The following PKD1L1 variants were observed in gnomAD, a reference collection of about 807,000 sequenced individuals.
PKD1L1 encodes polycystin 1 like 1, transient receptor potential channel interacting, also known as polycystin-1-like protein 1.
Under a neutral mutation model 323.4 loss-of-function variants are expected in PKD1L1, and 236 were observed. That is an observed-to-expected ratio of 0.73 (90% CI 0.66 to 0.81). The LOEUF (loss-of-function observed/expected upper bound fraction) is 0.81, where lower values mean the gene tolerates loss of function less well. Ranked by LOEUF, PKD1L1 falls within the 40% of genes least tolerant of loss-of-function variation. The pLI, the probability that PKD1L1 is intolerant of heterozygous loss-of-function variation, is 0.00. For missense variants in PKD1L1, 3,320 were observed against 3,508.0 expected, an observed-to-expected ratio of 0.95 and a Z score of 1.35; for synonymous variants, 1,344 against 1,335.0, an observed-to-expected ratio of 1.01 and a Z score of -0.15.
chr7:47,817,909 G>A, intron 46 of PKD1L1: 1 of 749,174 alleles, frequency 1.3e-6, no homozygotes. Flanking sequence ...TAAAAGTCTA[G>A]TGAATTAATT....
chr7:47,844,965 T>C (rs1785633901), intron 33 of PKD1L1, 30 bp downstream of exon 33: 2 of 1,572,228 alleles, frequency 1.3e-6, no homozygotes, highest in Non-Finnish European at 8.7e-7. Flanking sequence ...ATAAAGTCTA[T>C]GAAGTCTTTA....
At chr7:47,937,053 T>C (rs572144915) in intron 3 of PKD1L1, 95 bp from the exon 4 acceptor site, 2 of 945,262 alleles carry the variant, frequency 2.1e-6, no homozygotes, top group East Asian at 2.4e-5. Context: ...AAAATAGCAG[T>C]GGACCCCTGC....
At chr7:47,800,587 C>T (rs1784638125) in intron 54 of PKD1L1, 62 bp downstream of exon 54, 1 of 1,534,778 alleles carries the variant, frequency 6.5e-7, no homozygotes, top group Non-Finnish European at 9.0e-7. Flanking sequence ...CAGAGTTTCA[C>T]CCCAACAGCA....
chr7:47,863,439 G>A (rs1786077037), intron 26 of PKD1L1, among the ~76,000 whole-genome samples: 1 of 152,038 alleles, frequency 6.6e-6, no homozygotes, highest in Non-Finnish European at 1.5e-5. Context: ...GAGGAGGTGT[G>A]GACAGAGAAT....
intron 4 of PKD1L1, among the ~76,000 whole-genome samples, chr7:47,936,056 TA>T (rs1348980653): frequency 1.3e-5 from 2 of 152,214 alleles, no homozygotes; most frequent in African/African-American, 2.4e-5. Flanking sequence ...TTAGAAGGAG[TA>T]AAACCATCAA....
rs1279347610 is a variant in PKD1L1, at chr7:47,839,474, C to T, written c.5741G>A (p.Cys1914Tyr). The T allele has an allele frequency of 2.2e-5, 35 of 1,611,940 alleles. No individual in the cohort carries two copies. The East Asian group carries it at 7.6e-4, about 35-fold the overall frequency. ...HDGRVERELT[C>Y]LQGGLGFRKL... The stretch of plus-strand genomic sequence containing the variant: ...CCGGAAGCCGAGTCCCCCTTGCAGA[C>T]AGGTGAGCTCCCGCTCCACGCGACC... Residue 1914 changes from cysteine (C) to tyrosine (Y), a missense_variant, in exon 36 of 57, where the codon TGT becomes TAT. By Grantham distance (194) the Cys-to-Tyr change is radical (BLOSUM62 -2). Coordinates refer to ENST00000289672, the MANE Select transcript of PKD1L1 (RefSeq NM_138295.5). The surrounding 1 kb of genome is among the most constrained non-coding windows in gnomAD (Gnocchi z 4.3).
intron 44 of PKD1L1, among the ~76,000 whole-genome samples, chr7:47,828,219 C>A (rs1562949412): frequency 6.6e-6 from 1 of 152,134 alleles, no homozygotes; most frequent in Non-Finnish European, 1.5e-5. Context: ...CTCTAAGATG[C>A]TAATGAGCCA....
chr7:47,813,594 C>A (rs776709356), intron 48 of PKD1L1: 1 of 667,796 alleles, frequency 1.5e-6, no homozygotes. Flanking sequence ...TCAGGGCATA[C>A]CCTCCCCATT....
chr7:47,936,263 A>C (rs1185438195), intron 4 of PKD1L1, among the ~76,000 whole-genome samples: 4 of 152,132 alleles, frequency 2.6e-5, no homozygotes, highest in Non-Finnish European at 5.9e-5. Flanking sequence ...TGTGCAGTAC[A>C]TTTTTAGGAC....
Position 47,893,836 on chromosome 7 carries a change from G to A in PKD1L1, c.2453+42C>T, listed in dbSNP as rs767316346. 31 of 1,585,774 alleles carry A rather than the reference G, an allele frequency of 2.0e-5. No individual in the cohort carries two copies. In the African/African-American group the frequency reaches 2.6e-4, roughly 13 times the overall value. ...CAGAGCCTGCATTTGCAGAATGCGC[G>A]GTCTGAGTAGCTGCGCAGCTCTGTG... On this transcript the variant is annotated intron_variant, in intron 15 of 56. Coordinates refer to ENST00000289672, the MANE Select transcript of PKD1L1 (RefSeq NM_138295.5).
At position 47,792,931 on chromosome 7, in the gene PKD1L1, T is replaced by C. The variant is rs375249038; in HGVS notation, c.8356-134A>G. Reference sequence around the variant, plus strand: ...TGTTAGGAAACATACTGACTCTGCCTGCAGTTAGAAGACCTGGGTGCTGGG... The same window carrying C: ...TGTTAGGAAACATACTGACTCTGCCCGCAGTTAGAAGACCTGGGTGCTGGG... On this transcript the variant is annotated intron_variant, in intron 55 of 56. Coordinates refer to ENST00000289672, the MANE Select transcript of PKD1L1 (RefSeq NM_138295.5). 3.7e-5 allele frequency: 30 copies of C among 809,436 alleles called. 1 individual carries two copies. Among genetic ancestry groups the C allele is most frequent in the South Asian group, 2.9e-4 (15 of 51,022 alleles). 50.1% of individuals were successfully genotyped at this position (809,436 alleles called of 1,614,324 possible).
At chr7:47,849,599 A>C (rs1390342248) in intron 31 of PKD1L1, among the ~76,000 whole-genome samples, 2 of 152,232 alleles carry the variant, frequency 1.3e-5, no homozygotes, top group Non-Finnish European at 2.9e-5. Context: ...AACACCACTA[A>C]GTAATAGGGA....
At chr7:47,906,912 T>C (rs1013839531) in intron 9 of PKD1L1, among the ~76,000 whole-genome samples, 11 of 151,908 alleles carry the variant, frequency 7.2e-5, no homozygotes, top group African/African-American at 2.4e-4. Flanking sequence ...AAAAAAGATA[T>C]AGTTTACAGA....
chr7:47,813,045 G>C, intron 49 of PKD1L1, 76 bp downstream of exon 49: 1 of 1,523,770 alleles, frequency 6.6e-7, no homozygotes, highest in Non-Finnish European at 8.9e-7. Flanking sequence ...CTGCAGATGC[G>C]CTGCGTCCAG....
chr7:47,839,407 G>C lies in PKD1L1; in HGVS notation c.5769+39C>G. ...GACAGGTGCCATGCTCTGCCGGTCAGCCAGGTGCGCCACGAGAGGCCACCT... is the reference window on the plus strand; with the variant it reads ...GACAGGTGCCATGCTCTGCCGGTCACCCAGGTGCGCCACGAGAGGCCACCT... On this transcript the variant is annotated intron_variant, in intron 36 of 56. Coordinates refer to ENST00000289672, the MANE Select transcript of PKD1L1 (RefSeq NM_138295.5). The surrounding 1 kb of genome is among the most constrained non-coding windows in gnomAD (Gnocchi z 4.3). 1 of 1,539,376 alleles carries C rather than the reference G, an allele frequency of 6.5e-7. No individual in the cohort carries two copies. Among genetic ancestry groups the C allele is most frequent in the Non-Finnish European group, 8.9e-7 (1 of 1,128,198 alleles).
intron 24 of PKD1L1, among the ~76,000 whole-genome samples, chr7:47,867,258 C>G (rs17660040): frequency 0.065 from 9,963 of 152,128 alleles, 402 homozygotes; most frequent in Non-Finnish European, 0.072. Context: ...GCTCTATACA[C>G]GATGCTTAAG....
intron 7 of PKD1L1, among the ~76,000 whole-genome samples, chr7:47,926,188 A>T (rs548959008): frequency 6.6e-6 from 1 of 152,342 alleles, no homozygotes; most frequent in East Asian, 1.9e-4. Context: ...TTCTCTCTGA[A>T]GGCTGCTACC....
chr7:47,823,936 T>C (rs1232914728), intron 45 of PKD1L1, among the ~76,000 whole-genome samples: 2 of 152,262 alleles, frequency 1.3e-5, no homozygotes, highest in African/African-American at 4.8e-5. Context: ...TGGCTTTAGA[T>C]AGATTTCATG....
At chr7:47,803,939 G>A (rs146861782) in intron 52 of PKD1L1, among the ~76,000 whole-genome samples, 1,661 of 152,228 alleles carry the variant, frequency 0.011, 22 homozygotes, top group Middle Eastern at 0.02. Context: ...TTATGGACTC[G>A]TCCACATTCA....
Sources: allele counts gnomAD v4.1 joint callset (sites outside exome capture counted in the v4.1 genomes callset), GRCh38; gene constraint gnomAD v4.1.1; non-coding constraint Gnocchi (gnomAD v3.1); transcripts MANE v1.5; gene names NCBI Gene and HGNC (gene_info 2026-07-23, HGNC 2026-07-21).